FER: variants seen among roughly 807,000 people sequenced by gnomAD.
FER encodes the protein FER tyrosine kinase, also known as tyrosine-protein kinase Fer.
A neutral mutation model predicts 111.0 loss-of-function variants in FER; 63 were observed. The observed-to-expected ratio is 0.57, with a 90% confidence interval of 0.46 to 0.70. FER has a LOEUF of 0.70. Among genes scored for constraint, FER ranks in the 30% least tolerant of loss-of-function variants. The pLI is 0.00. For synonymous variants in FER, 327 were observed against 313.9 expected (o/e 1.04, Z -0.44); for missense variants, 914 against 954.0 (o/e 0.96, Z 0.55).
chr5:108,766,343 A>G (rs1169311525), intron 1 of FER, among the ~76,000 whole-genome samples: 3 of 152,392 alleles, frequency 2.0e-5, no homozygotes, highest in South Asian at 2.1e-4. Flanking sequence ...AGAGGAAACC[A>G]TAATTCATTT....
At chr5:109,079,020 T>G (rs1776685491) in intron 16 of FER, among the ~76,000 whole-genome samples, 1 of 152,172 alleles carries the variant, frequency 6.6e-6, no homozygotes, top group Non-Finnish European at 1.5e-5. Flanking sequence ...AGATCCTCAG[T>G]CTTACCACAA....
intron 16 of FER, among the ~76,000 whole-genome samples, chr5:109,083,468 C>G (rs1777218227): frequency 1.3e-5 from 2 of 152,072 alleles, no homozygotes; most frequent in African/African-American, 4.8e-5. Flanking sequence ...ATCCATCTCA[C>G]TTTATCTCCA....
intron 13 of FER, among the ~76,000 whole-genome samples, chr5:109,008,639 C>T (rs896853452): frequency 6.6e-6 from 1 of 152,224 alleles, no homozygotes; most frequent in South Asian, 2.1e-4. Context: ...AAATATTTTG[C>T]GTATTTCCTT....
intron 17 of FER, among the ~76,000 whole-genome samples, chr5:109,147,180 TA>T (rs141894158): frequency 0.032 from 4,935 of 151,942 alleles, 113 homozygotes; most frequent in Middle Eastern, 0.092. Context: ...AATTAACATT[TA>T]AAAAATGTTA....
intron 5 of FER, among the ~76,000 whole-genome samples, chr5:108,846,344 G>T (rs980832133): frequency 2.0e-5 from 3 of 152,010 alleles, no homozygotes; most frequent in African/African-American, 7.2e-5. Context: ...AGGCTGAGAA[G>T]GGGGAGGATC....
At chr5:109,005,041 C>T (rs1044703454) in intron 13 of FER, among the ~76,000 whole-genome samples, 1 of 152,000 alleles carries the variant, frequency 6.6e-6, no homozygotes, top group South Asian at 2.1e-4. Flanking sequence ...GAACTTATTA[C>T]TATCCATCCC....
chr5:109,181,131 T>C (rs116732716), intron 18 of FER, among the ~76,000 whole-genome samples: 1 of 152,316 alleles, frequency 6.6e-6, no homozygotes, highest in Admixed American at 6.5e-5. Flanking sequence ...AATATGACTA[T>C]ACATCTGAGA....
intron 3 of FER, among the ~76,000 whole-genome samples, chr5:108,824,504 A>G (rs1759234605): frequency 6.6e-6 from 1 of 151,966 alleles, no homozygotes; most frequent in Admixed American, 6.6e-5. Flanking sequence ...CAGTGCAAAG[A>G]CCTTTCACTT....
Position 108,901,035 on chromosome 5 carries a change from T to G in FER, c.1236+3187T>G, listed in dbSNP as rs577698036. 3.3e-5 allele frequency among the ~76,000 whole-genome samples: 5 copies of G among 152,204 alleles called. No individual in the cohort carries two copies. In the East Asian group the frequency reaches 9.7e-4, roughly 29 times the overall value. On this transcript the variant is annotated intron_variant, in intron 10 of 19. Coordinates refer to ENST00000281092, the MANE Select transcript of FER (RefSeq NM_005246.4). ...ATCCTTATGGATGTAATTAATGTCTTTATAAAAGAGGGAGTTTGGCTCCCC... is the reference window on the plus strand; with the variant it reads ...ATCCTTATGGATGTAATTAATGTCTGTATAAAAGAGGGAGTTTGGCTCCCC...
chr5:109,187,604 A>T lies in FER; in HGVS notation c.*29A>T. 6.2e-7 allele frequency: 1 copy of T among 1,613,206 alleles called. No homozygotes were observed. Among genetic ancestry groups the T allele is most frequent in the Non-Finnish European group, 8.5e-7 (1 of 1,179,544 alleles). Reference sequence around the variant, plus strand: ...CAGGATGGCGCCAAACTCAGCCTTCAGGACTCTGTCCTCCAGCAGAGTAAC... The same window carrying T: ...CAGGATGGCGCCAAACTCAGCCTTCTGGACTCTGTCCTCCAGCAGAGTAAC... On this transcript the variant is annotated 3_prime_UTR_variant, in exon 20 of 20. Coordinates refer to ENST00000281092, the MANE Select transcript of FER (RefSeq NM_005246.4).
At chr5:109,179,774 C>CA (rs1478971030) in intron 17 of FER, among the ~76,000 whole-genome samples, 1 of 150,440 alleles carries the variant, frequency 6.6e-6, no homozygotes, top group Non-Finnish European at 1.5e-5. Context: ...TGTGCATATG[C>CA]AAATCTACAC....
chr5:108,801,058 T>A (rs1316380803), intron 3 of FER, among the ~76,000 whole-genome samples: 1 of 152,232 alleles, frequency 6.6e-6, no homozygotes, highest in Non-Finnish European at 1.5e-5. Flanking sequence ...CAAAAAAAAA[T>A]CTTTGCCTGA....
At chr5:109,178,752 C>G (rs895783757) in intron 17 of FER, among the ~76,000 whole-genome samples, 3 of 152,178 alleles carry the variant, frequency 2.0e-5, no homozygotes, top group Non-Finnish European at 4.4e-5. Context: ...AGTCCTACAA[C>G]TTTGTACACC....
chr5:108,773,035 C>T (rs1463181001), intron 2 of FER, among the ~76,000 whole-genome samples: 1 of 152,080 alleles, frequency 6.6e-6, no homozygotes, highest in African/African-American at 2.4e-5. Flanking sequence ...TGTCACTCAG[C>T]GAGTGTTCTC....
intron 13 of FER, among the ~76,000 whole-genome samples, chr5:108,963,337 C>A (rs920171470): frequency 6.6e-6 from 1 of 151,892 alleles, no homozygotes; most frequent in Non-Finnish European, 1.5e-5. Flanking sequence ...CTGAGGTGGG[C>A]GGATTGCTTG....
chr5:109,129,463 G>A (rs969043148), intron 17 of FER, among the ~76,000 whole-genome samples: 5 of 151,804 alleles, frequency 3.3e-5, no homozygotes, highest in South Asian at 2.1e-4. Context: ...AAACCTCCTC[G>A]AATTTCCAAG....
At chr5:109,156,211 G>T (rs1297798811) in intron 17 of FER, among the ~76,000 whole-genome samples, 2 of 152,012 alleles carry the variant, frequency 1.3e-5, no homozygotes, top group African/African-American at 4.8e-5. Flanking sequence ...AAGAGGTGAT[G>T]GTAGACGGAA....
intron 5 of FER, among the ~76,000 whole-genome samples, chr5:108,838,044 G>T (rs190117093): frequency 6.6e-6 from 1 of 152,084 alleles, no homozygotes; most frequent in East Asian, 1.9e-4. Flanking sequence ...TGAGAGATAG[G>T]TAAACTTTTC....
chr5:108,990,706 A>G (rs1277438962), intron 13 of FER, among the ~76,000 whole-genome samples: 1 of 151,742 alleles, frequency 6.6e-6, no homozygotes, highest in Non-Finnish European at 1.5e-5. Flanking sequence ...CATCTTTATA[A>G]AGCCAGAAAT....
Sources: gnomAD v4.1 joint callset for allele counts (sites outside exome capture counted in the v4.1 genomes callset) on GRCh38, gnomAD v4.1.1 for gene constraint, MANE v1.5 for transcripts, NCBI Gene and HGNC (gene_info 2026-07-23, HGNC 2026-07-21) for gene names.